CEP112: variants seen among roughly 807,000 people sequenced by gnomAD.
CEP112 encodes the protein centrosomal protein of 112 kDa.
CEP112 carries 127 observed loss-of-function variants against 153.0 expected under a neutral mutation model. The observed-to-expected ratio is 0.83, with a 90% CI of 0.72 to 0.96. CEP112 has a LOEUF of 0.96. CEP112 is among the 40% of genes least tolerant of loss of function. The pLI is 0.00. For synonymous variants in CEP112, 358 were observed against 374.4 expected (o/e 0.96, Z 0.51); for missense variants, 1,089 against 1,101.2 (o/e 0.99, Z 0.16).
At chr17:66,127,968 C>T (rs537753824) in intron 6 of CEP112, among the ~76,000 whole-genome samples, 1 of 152,106 alleles carries the variant, frequency 6.6e-6, no homozygotes, top group East Asian at 1.9e-4. Context: ...TTTACCTTTC[C>T]CTCCTCCCAG....
intron 6 of CEP112, among the ~76,000 whole-genome samples, chr17:66,121,038 G>C (rs2069556198): frequency 1.3e-5 from 2 of 152,144 alleles, no homozygotes; most frequent in Admixed American, 1.3e-4. Flanking sequence ...CAGCACTTTG[G>C]GAGGCCGAGG....
chr17:66,069,692 A>C (rs1331825000), intron 9 of CEP112, among the ~76,000 whole-genome samples: 1 of 152,170 alleles, frequency 6.6e-6, no homozygotes, highest in Non-Finnish European at 1.5e-5. Flanking sequence ...GGTAATGTAA[A>C]TATAAGGTTT....
chr17:65,806,453 C>T (rs1208198360), intron 21 of CEP112, among the ~76,000 whole-genome samples: 1 of 152,068 alleles, frequency 6.6e-6, no homozygotes, highest in Non-Finnish European at 1.5e-5. Context: ...AAGTGGGAAC[C>T]GTAAGAGGTG....
At chr17:65,754,606 A>AAAAAT (rs1188106183) in intron 21 of CEP112, among the ~76,000 whole-genome samples, 34 of 148,334 alleles carry the variant, frequency 2.3e-4, no homozygotes, top group East Asian at 5.8e-4. Context: ...TTCTGTCGCA[A>AAAAAT]AAAATAAAAT....
intron 24 of CEP112, among the ~76,000 whole-genome samples, chr17:65,646,102 G>A (rs1415368417): frequency 6.6e-6 from 1 of 152,210 alleles, no homozygotes; most frequent in Admixed American, 6.5e-5. Flanking sequence ...ATTCACATGT[G>A]ATGGTTTCTC....
chr17:66,032,124 T>A (rs2065513130), intron 12 of CEP112, among the ~76,000 whole-genome samples: 9 of 152,086 alleles, frequency 5.9e-5, no homozygotes, highest in Admixed American at 5.9e-4. Context: ...GCCTCAGCCA[T>A]CTGAGTATTG....
intron 17 of CEP112, among the ~76,000 whole-genome samples, chr17:66,005,413 T>C (rs2064231264): frequency 6.6e-6 from 1 of 152,160 alleles, no homozygotes; most frequent in African/African-American, 2.4e-5. Flanking sequence ...TTTTAAAAAA[T>C]ATGTTTTCGC....
intron 4 of CEP112, among the ~76,000 whole-genome samples, chr17:66,160,643 A>C (rs1172661572): frequency 6.6e-6 from 1 of 152,250 alleles, no homozygotes; most frequent in East Asian, 1.9e-4. Context: ...CATATGCAGA[A>C]AACTGAAACT....
chr17:65,909,349 G>A (rs2060197311), intron 19 of CEP112, among the ~76,000 whole-genome samples: 1 of 152,202 alleles, frequency 6.6e-6, no homozygotes, highest in Admixed American at 6.6e-5. Context: ...TAGAAAAGGA[G>A]GAAGAGAGGG....
chr17:65,967,862 T>C (rs2044184), intron 17 of CEP112, among the ~76,000 whole-genome samples: 72,976 of 151,874 alleles, frequency 0.48, 18,525 homozygotes, highest in East Asian at 0.89. Context: ...TAACAAAATA[T>C]TGAGAAAATT....
intron 12 of CEP112, 49 bp from the exon 13 acceptor site, chr17:66,030,072 CT>C (rs1410252883): frequency 1.3e-6 from 2 of 1,507,980 alleles, no homozygotes; most frequent in Non-Finnish European, 1.8e-6. Context: ...AGTTGTAACA[CT>C]TTTGTATCTG....
chr17:66,153,211 A>G (rs1416977440), intron 4 of CEP112, among the ~76,000 whole-genome samples: 1 of 152,188 alleles, frequency 6.6e-6, no homozygotes, highest in East Asian at 1.9e-4. Flanking sequence ...TGAAAAACAT[A>G]TGTCCGAATA....
chr17:65,970,440 T>A (rs1490739356), intron 17 of CEP112, among the ~76,000 whole-genome samples: 1 of 81,550 alleles, frequency 1.2e-5, no homozygotes, highest in Non-Finnish European at 2.5e-5. Context: ...GCACACATCA[T>A]GCATGTATAT....
chr17:65,864,227 C>A (rs1034451886), intron 20 of CEP112, among the ~76,000 whole-genome samples: 11 of 151,944 alleles, frequency 7.2e-5, no homozygotes, highest in African/African-American at 2.7e-4. Context: ...GGGCAGTTTG[C>A]CACTCCATGT....
At chr17:66,103,390 A>G (rs2068647555) in intron 6 of CEP112, among the ~76,000 whole-genome samples, 1 of 152,192 alleles carries the variant, frequency 6.6e-6, no homozygotes, top group African/African-American at 2.4e-5. Context: ...ATAGAAAGAA[A>G]GAAGAGGGTA....
intron 17 of CEP112, among the ~76,000 whole-genome samples, chr17:65,988,675 T>C (rs1249958326): frequency 1.3e-5 from 2 of 152,072 alleles, no homozygotes; most frequent in Non-Finnish European, 2.9e-5. Flanking sequence ...GGTTCAAGCA[T>C]TGAAAGAACC....
At chr17:66,188,209 A>T (rs539618210) in intron 1 of CEP112, among the ~76,000 whole-genome samples, 1 of 152,024 alleles carries the variant, frequency 6.6e-6, no homozygotes, top group East Asian at 1.9e-4. Context: ...ACTGCCTAAA[A>T]CAGAATACTA....
chr17:65,828,020 T>C (rs542870631), intron 21 of CEP112, among the ~76,000 whole-genome samples: 1 of 152,318 alleles, frequency 6.6e-6, no homozygotes, highest in East Asian at 1.9e-4. Flanking sequence ...AAATTCTATA[T>C]AAGTTACTTA....
chr17:65,926,343 G>GT (rs1424913841), intron 19 of CEP112, among the ~76,000 whole-genome samples: 1 of 152,198 alleles, frequency 6.6e-6, no homozygotes, highest in African/African-American at 2.4e-5. Flanking sequence ...ACCCTGATCA[G>GT]TTATTCAAGG....
Sources: gnomAD v4.1 joint callset for allele counts (sites outside exome capture counted in the v4.1 genomes callset) on GRCh38, gnomAD v4.1.1 for gene constraint, MANE v1.5 for transcripts, NCBI Gene and HGNC (gene_info 2026-07-23, HGNC 2026-07-21) for gene names.